Variants in GTF2IRD1 observed in about 807,000 individuals in gnomAD.
GTF2IRD1 encodes the protein GTF2I repeat domain containing 1.
Under a neutral mutation model 113.2 loss-of-function variants are expected in GTF2IRD1, and 26 were observed. The ratio of observed to expected loss-of-function variants is 0.23; its 90% CI spans 0.17 to 0.32. The LOEUF (loss-of-function observed/expected upper bound fraction) is 0.32, where lower values mean the gene tolerates loss of function less well. Ranked by LOEUF, GTF2IRD1 falls within the 10% of genes least tolerant of loss-of-function variation. The probability of loss-of-function intolerance (pLI) is 1.00; values close to 1 mark genes in which losing one functional copy is unlikely to be tolerated. For synonymous variants in GTF2IRD1, 484 were observed against 529.1 expected, an observed-to-expected ratio of 0.91 and a Z score of 1.17; for missense variants, 864 against 1,280.8, an observed-to-expected ratio of 0.67 and a Z score of 4.97.
chr7:74,585,619 C>T (rs587692083), intron 22 of GTF2IRD1, among the ~76,000 whole-genome samples: 8 of 152,084 alleles, frequency 5.3e-5, no homozygotes, highest in East Asian at 3.9e-4. Flanking sequence ...TGGTGGTTCA[C>T]GTCTGTAATC....
At chr7:74,527,766 C>G (rs1797691539) in intron 8 of GTF2IRD1, among the ~76,000 whole-genome samples, 1 of 152,102 alleles carries the variant, frequency 6.6e-6, no homozygotes, top group Non-Finnish European at 1.5e-5. Context: ...TGCTTGAACC[C>G]AGTCAGGGAG....
chr7:74,566,038 C>CA (rs1800293064), intron 22 of GTF2IRD1, among the ~76,000 whole-genome samples: 3 of 149,266 alleles, frequency 2.0e-5, no homozygotes, highest in South Asian at 2.1e-4. Flanking sequence ...CACACACACA[C>CA]CCTAAAGAGA....
intron 1 of GTF2IRD1, among the ~76,000 whole-genome samples, chr7:74,488,821 G>A (rs1795164736): frequency 1.3e-5 from 2 of 151,522 alleles, no homozygotes; most frequent in East Asian, 2.0e-4. Context: ...AAGAAGAAAA[G>A]AAACCTCTAC....
rs1802816732 is a variant in GTF2IRD1, at chr7:74,602,498, G to A, written c.*65G>A. Reference sequence around the variant, plus strand: ...AGGAAATGTAATTTATGTACAAAATGTATATTCGGATATGTATCGATGCCT... The same window carrying A: ...AGGAAATGTAATTTATGTACAAAATATATATTCGGATATGTATCGATGCCT... On this transcript the variant is annotated 3_prime_UTR_variant, in exon 27 of 27. Coordinates refer to ENST00000424337, the MANE Select transcript of GTF2IRD1 (RefSeq NM_005685.4). 10 of 1,384,826 alleles carry A rather than the reference G, an allele frequency of 7.2e-6. No individual in the cohort carries two copies. The East Asian group carries it at 1.2e-4, about 16-fold the overall frequency. The allele number at this position is 1,384,826 out of a possible 1,614,324, so 85.8% of individuals were successfully genotyped here.
In GTF2IRD1 at chr7:74,559,056, G is replaced by T. The variant is rs1799788356; in HGVS notation, c.2291+12G>T. On this transcript the variant is annotated intron_variant, in intron 21 of 26. Transcript: ENST00000424337. ...TTCACAGTCACCAGGTACTCAGTGG[G>T]AAGGGTGAGGGTGAAGAGGCAGGAC... The T allele has an allele frequency of 1.9e-6, 3 of 1,610,790 alleles. No individual in the cohort carries two copies. The highest frequency in any genetic ancestry group is 2.5e-6 in the Non-Finnish European group (3 of 1,177,846).
intron 1 of GTF2IRD1, among the ~76,000 whole-genome samples, chr7:74,495,370 G>A (rs1386711742): frequency 1.3e-5 from 2 of 152,188 alleles, no homozygotes; most frequent in African/African-American, 4.8e-5. Context: ...ACTCCTGCCA[G>A]CCCCACCACG....
At chr7:74,556,934 G>A (rs587706529) in intron 19 of GTF2IRD1, among the ~76,000 whole-genome samples, 17 of 151,892 alleles carry the variant, frequency 1.1e-4, no homozygotes, top group Admixed American at 6.6e-4. Flanking sequence ...ACACTTGGGC[G>A]TTTTTAATGA....
chr7:74,515,620 TG>T (rs782089576), intron 4 of GTF2IRD1, 24 bp downstream of exon 4: 2 of 1,591,130 alleles, frequency 1.3e-6, no homozygotes, highest in Admixed American at 3.4e-5. Flanking sequence ...TCATTCCATT[TG>T]GGGGCCCCAG....
chr7:74,496,505 ATGTGGGTGTGCGTG>A (rs1424045783), intron 1 of GTF2IRD1, among the ~76,000 whole-genome samples: 3 of 99,382 alleles, frequency 3.0e-5, no homozygotes, highest in Admixed American at 1.1e-4. Flanking sequence ...GTGTGTGTTC[ATGTGGGTGTGCGTG>A]TGTGGGTGTG....
rs781843020 is a variant in GTF2IRD1 at position 74,519,548 on chromosome 7, A to G, written c.745A>G (p.Thr249Ala). The change falls in exon 6 of 27, where the codon ACC becomes GCC. Residue 249 changes from threonine (T) to alanine (A), a missense_variant. Thr to Ala is a moderately conservative substitution (Grantham distance 58). Transcript: ENST00000424337. ...VPPQDLPPTA[T>A]SSSMASFLYS... is the part of the protein sequence containing the mutation. ...ACCCCAGGACCTGCCCCCAACCGCC[A>G]CCTCCTCCTCCATGGCCAGCTTCCT... 1.2e-6 allele frequency: 2 copies of G among 1,603,432 alleles called. No individual in the cohort carries two copies. The highest frequency in any genetic ancestry group is 1.7e-6 in the Non-Finnish European group (2 of 1,175,074).
intron 16 of GTF2IRD1, 51 bp from the exon 17 acceptor site, chr7:74,547,052 G>T: frequency 6.5e-7 from 1 of 1,542,708 alleles, no homozygotes; most frequent in East Asian, 2.3e-5. Context: ...AGGGGTTGAG[G>T]CTCCTGGCCC....
chr7:74,483,619 CG>C (rs1351116465), intron 1 of GTF2IRD1, among the ~76,000 whole-genome samples: 1 of 151,902 alleles, frequency 6.6e-6, no homozygotes, highest in African/African-American at 2.4e-5. Context: ...CTGAGGCAGG[CG>C]GATGGCTGGA....
At chr7:74,542,472 T>C (rs1554352063) in intron 14 of GTF2IRD1, among the ~76,000 whole-genome samples, 2 of 152,220 alleles carry the variant, frequency 1.3e-5, no homozygotes, top group African/African-American at 2.4e-5. Context: ...AAAAATTGAT[T>C]GTGCTTTGCT....
At chr7:74,546,218 CTTTTTTTTTTTTT>C (rs1222914895) in intron 16 of GTF2IRD1, among the ~76,000 whole-genome samples, 2 of 126,512 alleles carry the variant, frequency 1.6e-5, no homozygotes, top group East Asian at 2.3e-4. Flanking sequence ...CCATGTTTTT[CTTTTTTTTTTTTT>C]TTTTTTTTGA....
At chr7:74,529,473 C>T (rs1797832088) in intron 8 of GTF2IRD1, among the ~76,000 whole-genome samples, 1 of 151,998 alleles carries the variant, frequency 6.6e-6, no homozygotes, top group Non-Finnish European at 1.5e-5. Context: ...CCAGGCTGGT[C>T]TTGAACTCCT....
chr7:74,531,854 T>TCTCTGCCCCCCAC (rs1232805921), intron 9 of GTF2IRD1, among the ~76,000 whole-genome samples: 1 of 152,046 alleles, frequency 6.6e-6, no homozygotes, highest in African/African-American at 2.4e-5. Flanking sequence ...GTGGTACAGC[T>TCTCTGCCCCCCAC]CTCTGCCCCC....
chr7:74,577,811 TGCCCA>T (rs1554364988), intron 22 of GTF2IRD1, among the ~76,000 whole-genome samples: 1 of 152,096 alleles, frequency 6.6e-6, no homozygotes, highest in East Asian at 1.9e-4. Context: ...CGTGCTACCA[TGCCCA>T]GCTCATATTT....
Position 74,555,235 on chromosome 7 carries a change from G to C in GTF2IRD1, c.1966+12G>C, listed in dbSNP as rs782045719. On this transcript the variant is annotated intron_variant, in intron 18 of 26. Transcript: ENST00000424337. The surrounding 1 kb of genome is among the most constrained non-coding windows in gnomAD (Gnocchi z 5.3). Reference sequence around the variant, plus strand: ...CATGGATAGTCAAGGTACCCAGCGCGGGGTCGGGAGCCATGGTGTGGGCGG... The same window carrying C: ...CATGGATAGTCAAGGTACCCAGCGCCGGGTCGGGAGCCATGGTGTGGGCGG... 1.2e-6 allele frequency: 2 copies of C among 1,612,290 alleles called. No homozygotes were observed. The highest frequency in any genetic ancestry group is 2.2e-5 in the East Asian group (1 of 44,834).
intron 1 of GTF2IRD1, among the ~76,000 whole-genome samples, chr7:74,486,975 G>T (rs56393202): frequency 1.3e-5 from 2 of 152,070 alleles, no homozygotes; most frequent in African/African-American, 2.4e-5. Flanking sequence ...GAAATGAGAC[G>T]CATTAGACAA....
Sources: gnomAD v4.1 joint callset for allele counts (sites outside exome capture counted in the v4.1 genomes callset) on GRCh38, gnomAD v4.1.1 for gene constraint, Gnocchi (gnomAD v3.1) non-coding constraint, MANE v1.5 for transcripts, NCBI Gene and HGNC (gene_info 2026-07-23, HGNC 2026-07-21) for gene names.